The following TRPM3 variants were observed in gnomAD, a reference collection of about 807,000 sequenced individuals.
The protein encoded by TRPM3 is transient receptor potential cation channel subfamily M member 3, also known as long transient receptor potential channel 3.
A neutral mutation model predicts 181.2 loss-of-function variants in TRPM3; 77 were observed. The ratio of observed to expected loss-of-function variants is 0.42; its 90% confidence interval spans 0.35 to 0.51. The LOEUF is 0.51. Among genes scored for constraint, TRPM3 ranks in the 20% least tolerant of loss-of-function variants. The pLI, the probability that TRPM3 is intolerant of heterozygous loss-of-function variation, is 0.01. For synonymous variants in TRPM3, 745 were observed against 796.4 expected, an observed-to-expected ratio of 0.94 and a Z score of 1.09; for missense variants, 1,759 against 2,196.7, an observed-to-expected ratio of 0.80 and a Z score of 3.98.
Position 70,536,570 on chromosome 9 carries a change from G to A in TRPM3, c.4543C>T (p.Arg1515Cys), listed in dbSNP as rs1035251103. Residue 1515 changes from arginine to cysteine, a missense_variant, in exon 26 of 26, where the codon CGC becomes TGC. Physicochemically the swap from Arg to Cys is radical, Grantham distance 180. Coordinates refer to ENST00000677713, the MANE Select transcript of TRPM3 (RefSeq NM_001366145.2). ...AGAAAGGGTGTGGTGGCTAGGTAGC[G>A]GCTACTTTTGGAACGCTCAATGGTG... is the stretch of plus-strand genomic sequence containing the variant. ...YHTIERSKSS[R>C]YLATTPFLLE... The A allele has an allele frequency of 6.8e-6, 11 of 1,614,002 alleles. No homozygotes were observed. The highest frequency in any genetic ancestry group is 1.6e-4 in the Middle Eastern group (1 of 6,084).
Position 70,998,164 on chromosome 9 carries a change from CATATAT to C in TRPM3, c.177+123008_177+123013del, listed in dbSNP as rs1424987418. On this transcript the variant is annotated intron_variant, in intron 1 of 25. Transcript: ENST00000677713. Reference sequence around the variant, plus strand: ...ATACACATATATATATACATATATACATATATACACATATATATACATATATACACA... The same window carrying C: ...ATACACATATATATATACATATATACACACATATATATACATATATACACA... 4.4e-5 allele frequency among the ~76,000 whole-genome samples: 6 copies of C among 136,362 alleles called. No homozygotes were observed. The East Asian group carries it at 1.0e-3, about 24-fold the overall frequency. 89.5% of individuals were successfully genotyped at this position (136,362 alleles called of 152,430 possible).
chr9:71,054,415 T>C (rs75506612), intron 1 of TRPM3, among the ~76,000 whole-genome samples: 1 of 152,110 alleles, frequency 6.6e-6, no homozygotes, highest in Non-Finnish European at 1.5e-5. Flanking sequence ...TCATAGAATC[T>C]GTTGATGCTG....
chr9:70,646,424 A>C (rs537897848), intron 9 of TRPM3, among the ~76,000 whole-genome samples: 1 of 152,330 alleles, frequency 6.6e-6, no homozygotes, highest in Admixed American at 6.5e-5. Context: ...TTGCAGGGAC[A>C]TGGATGAATC....
chr9:71,201,078 A>C (rs973894260), intron 1 of TRPM3, among the ~76,000 whole-genome samples: 8 of 152,022 alleles, frequency 5.3e-5, no homozygotes, highest in Non-Finnish European at 1.2e-4. Flanking sequence ...GGTGGTGACA[A>C]AATCACTCAG....
chr9:70,989,170 G>A (rs1489729058), intron 1 of TRPM3, among the ~76,000 whole-genome samples: 4 of 152,176 alleles, frequency 2.6e-5, no homozygotes, highest in African/African-American at 4.8e-5. Context: ...GGAATCATAT[G>A]TTTATACTTT....
At chr9:71,221,583 C>T (rs1053920148) in intron 1 of TRPM3, among the ~76,000 whole-genome samples, 2 of 151,920 alleles carry the variant, frequency 1.3e-5, no homozygotes, top group Non-Finnish European at 2.9e-5. Context: ...CTTTTGGGAC[C>T]ATCCACAGTT....
In TRPM3 at chr9:71,401,846, C is replaced by T. The variant is rs549844900; in HGVS notation, c.183+44807G>A. 6.6e-5 allele frequency among the ~76,000 whole-genome samples: 10 copies of T among 152,276 alleles called. No homozygotes were observed. In the South Asian group the frequency reaches 8.3e-4, roughly 13 times the overall value. ...ATAAAGCTATGCTCAGATTTGACTA[C>T]GGACTACTCAATAATTTATCCAGCT... On this transcript the variant is annotated intron_variant, in intron 1 of 24. Coordinates refer to the TRPM3 transcript ENST00000357533.
At chr9:71,150,953 T>C (rs2075702463) in intron 1 of TRPM3, among the ~76,000 whole-genome samples, 1 of 152,166 alleles carries the variant, frequency 6.6e-6, no homozygotes, top group South Asian at 2.1e-4. Context: ...TGGTTTATGA[T>C]ATAAGTGGCA....
At chr9:71,082,249 T>C (rs1324518642) in intron 1 of TRPM3, among the ~76,000 whole-genome samples, 1 of 152,196 alleles carries the variant, frequency 6.6e-6, no homozygotes, top group Non-Finnish European at 1.5e-5. Context: ...TGCTTTAGAT[T>C]TGATTATGTA....
intron 1 of TRPM3, among the ~76,000 whole-genome samples, chr9:71,278,020 T>A (rs2084361330): frequency 6.6e-6 from 1 of 152,256 alleles, no homozygotes; most frequent in Non-Finnish European, 1.5e-5. Flanking sequence ...CTAGTGGTCC[T>A]GTTATTTCTA....
At chr9:70,835,200 C>T (rs2094227587) in intron 5 of TRPM3, among the ~76,000 whole-genome samples, 1 of 152,144 alleles carries the variant, frequency 6.6e-6, no homozygotes, top group Admixed American at 6.5e-5. Context: ...CTCTTACAGA[C>T]TGCAGAACCC....
At chr9:71,367,918 G>T (rs1262189868) in intron 1 of TRPM3, among the ~76,000 whole-genome samples, 2 of 150,968 alleles carry the variant, frequency 1.3e-5, no homozygotes, top group Non-Finnish European at 2.9e-5. Flanking sequence ...CTTTCAACTT[G>T]CTGTCTTAGT....
chr9:71,032,011 T>G (rs1342715196), intron 1 of TRPM3, among the ~76,000 whole-genome samples: 2 of 53,282 alleles, frequency 3.8e-5, no homozygotes, highest in African/African-American at 1.1e-4. Context: ...TTATATAATA[T>G]ATAATATATA....
At chr9:71,124,392 G>A (rs2073906563), upstream of TRPM3, among the ~76,000 whole-genome samples, 1 of 151,426 alleles carries the variant, frequency 6.6e-6, no homozygotes, top group Non-Finnish European at 1.5e-5. Context: ...TAAATCTTAT[G>A]AATGTAGATG....
intron 1 of TRPM3, among the ~76,000 whole-genome samples, chr9:70,967,842 T>C (rs934294566): frequency 6.6e-6 from 1 of 152,012 alleles, no homozygotes; most frequent in Non-Finnish European, 1.5e-5. Context: ...ATTTCAAGGG[T>C]TTAATGGTCC....
intron 1 of TRPM3, among the ~76,000 whole-genome samples, chr9:71,115,053 C>A (rs2134271843): frequency 6.6e-6 from 1 of 152,322 alleles, no homozygotes; most frequent in Middle Eastern, 3.4e-3. Context: ...ACTTCTCTTT[C>A]TGTCAATGAT....
At chr9:71,423,788 T>C (rs2093818099) in intron 1 of TRPM3, among the ~76,000 whole-genome samples, 1 of 152,126 alleles carries the variant, frequency 6.6e-6, no homozygotes, top group South Asian at 2.1e-4. Context: ...TTCTCCCTTC[T>C]CTACCAGGAA....
intron 22 of TRPM3, among the ~76,000 whole-genome samples, chr9:70,566,294 G>A (rs1427860864): frequency 6.6e-6 from 1 of 152,070 alleles, no homozygotes; most frequent in African/African-American, 2.4e-5. Flanking sequence ...CTCAGATGAG[G>A]GAGTTGGCTA....
At chr9:71,369,921 G>A (rs908007810) in intron 1 of TRPM3, among the ~76,000 whole-genome samples, 1 of 152,086 alleles carries the variant, frequency 6.6e-6, no homozygotes, top group African/African-American at 2.4e-5. Context: ...TCATGTCTGT[G>A]TCTCTCATTT....
Sources: gnomAD v4.1 joint callset for allele counts (sites outside exome capture counted in the v4.1 genomes callset) on GRCh38, gnomAD v4.1.1 for gene constraint, MANE v1.5 for transcripts, NCBI Gene and HGNC (gene_info 2026-07-23, HGNC 2026-07-21) for gene names.